The following SRCIN1 variants were observed in gnomAD, a reference collection of about 807,000 sequenced individuals.
The protein encoded by SRCIN1 is P130Cas-associated protein.
Under a neutral mutation model 116.2 loss-of-function variants are expected in SRCIN1, and 50 were observed. That is an observed-to-expected ratio of 0.43 (90% confidence interval 0.34 to 0.54). The LOEUF (loss-of-function observed/expected upper bound fraction) is 0.54, where lower values mean the gene tolerates loss of function less well. Among genes scored for constraint, SRCIN1 ranks in the 20% least tolerant of loss-of-function variants. SRCIN1 has a pLI of 0.02. For synonymous variants in SRCIN1, 736 were observed against 750.0 expected (o/e 0.98, Z 0.30); for missense variants, 1,446 against 1,672.0 (o/e 0.86, Z 2.36).
chr17:38,563,703 G>T lies in SRCIN1; in HGVS notation c.542-182C>A. On this transcript the variant is annotated intron_variant, in intron 4 of 18. Transcript: ENST00000617146. This position sits in a 1 kb window ranked among gnomAD's most constrained non-coding sequence, Gnocchi z 5.8. ...TGCTGCCGGCGGGGGCGCCAGGCCGGCTCTCCAGCCTCTCAAGGCACCCAC... is the reference window on the plus strand; with the variant it reads ...TGCTGCCGGCGGGGGCGCCAGGCCGTCTCTCCAGCCTCTCAAGGCACCCAC... 1.2e-6 allele frequency: 1 copy of T among 862,838 alleles called. No homozygotes were observed. Among genetic ancestry groups the T allele is most frequent in the Non-Finnish European group, 1.9e-6 (1 of 535,782 alleles). 53.4% of individuals were successfully genotyped at this position (862,838 alleles called of 1,614,324 possible). A position where few individuals can be genotyped will look rare whatever the true frequency, so the allele number is the denominator to read the frequency against.
Position 38,562,369 on chromosome 17 carries a change from C to T in SRCIN1, c.835-41G>A. 1 of 1,407,322 alleles carries T rather than the reference C, an allele frequency of 7.1e-7. No individual in the cohort carries two copies. The highest frequency in any genetic ancestry group is 3.3e-5 in the Admixed American group (1 of 30,040). 87.2% of individuals were successfully genotyped at this position (1,407,322 alleles called of 1,614,324 possible). On this transcript the variant is annotated intron_variant, in intron 6 of 18. Coordinates refer to ENST00000617146, the MANE Select transcript of SRCIN1 (RefSeq NM_025248.3). The surrounding 1 kb of genome is among the most constrained non-coding windows in gnomAD (Gnocchi z 4.2). Reference sequence around the variant, plus strand: ...CCCGGAACCCCACGGGGCTGGTCACCAAGGACACCCCTGTCCCTTGCTTGA... The same window carrying T: ...CCCGGAACCCCACGGGGCTGGTCACTAAGGACACCCCTGTCCCTTGCTTGA...
intron 1 of SRCIN1, among the ~76,000 whole-genome samples, chr17:38,583,413 T>C (rs1457326660): frequency 1.3e-5 from 2 of 152,250 alleles, no homozygotes; most frequent in South Asian, 2.1e-4. Flanking sequence ...TCAACAAATA[T>C]CTTCCCTCTC....
chr17:38,581,265 G>GAGTGAT (rs1229959516), intron 1 of SRCIN1, among the ~76,000 whole-genome samples: 2 of 152,106 alleles, frequency 1.3e-5, no homozygotes, highest in Non-Finnish European at 2.9e-5. Flanking sequence ...AATTAGCCGG[G>GAGTGAT]AGTGATAGTG....
Position 38,560,097 on chromosome 17 carries a change from G to T in SRCIN1, c.1794C>A (p.Ser598Arg), listed in dbSNP as rs367715600. 1.3e-6 allele frequency: 2 copies of T among 1,549,994 alleles called. No homozygotes were observed. Among genetic ancestry groups the T allele is most frequent in the African/African-American group, 1.4e-5 (1 of 73,056 alleles). ...LLRGSEPETP[S>R]EKIEGSNGAA... ...CTCCATTGGAGCCTTCAATCTTCTC[G>T]CTGTGGCACAGGGAAAAAAGCCATC... The change falls in exon 9 of 19, where the codon AGC (serine) becomes AGA (arginine). Residue 598 changes from serine (S) to arginine (R), a missense_variant and splice_region_variant. By Grantham distance (110) the Ser-to-Arg change is moderately radical. Around this residue, in one of 5 missense-constraint regions of SRCIN1, gnomAD observed 398 missense variants for 385.6 expected, o/e 1.03. Transcript: ENST00000617146.
intron 1 of SRCIN1, among the ~76,000 whole-genome samples, chr17:38,598,007 G>A (rs987713975): frequency 6.6e-6 from 1 of 152,078 alleles, no homozygotes; most frequent in African/African-American, 2.4e-5. Context: ...CCCACTTCCA[G>A]GAGAGAGGAA....
In SRCIN1 at chr17:38,535,560, C is replaced by T. The variant is rs986060676; in HGVS notation, c.3418-2129G>A. Reference sequence around the variant, plus strand: ...TGCTCATCCATTACTCAAGGGAGTTCTAGGGGGTCCAGGGCCCAGCCACAG... The same window carrying T: ...TGCTCATCCATTACTCAAGGGAGTTTTAGGGGGTCCAGGGCCCAGCCACAG... On this transcript the variant is annotated intron_variant, in intron 18 of 18. Coordinates refer to ENST00000617146, the MANE Select transcript of SRCIN1 (RefSeq NM_025248.3). Among the ~76,000 whole-genome samples the T allele has an allele frequency of 2.6e-5, 4 of 152,156 alleles. No homozygotes were observed. In the East Asian group the frequency reaches 7.7e-4, roughly 29 times the overall value.
rs2143197943 is a variant in SRCIN1, at chr17:38,562,957, C to T, written c.741-37G>A. 1.3e-6 allele frequency: 2 copies of T among 1,534,510 alleles called. No individual in the cohort carries two copies. Among genetic ancestry groups the T allele is most frequent in the African/African-American group, 2.7e-5 (2 of 73,360 alleles). On this transcript the variant is annotated intron_variant, in intron 5 of 18. Transcript: ENST00000617146. This position sits in a 1 kb window ranked among gnomAD's most constrained non-coding sequence, Gnocchi z 4.2. ...GGGGAGACGGGGGTCACCACCCATCCCCCAGCTGTGCACAATGAGAAGGGA... is the reference window on the plus strand; with the variant it reads ...GGGGAGACGGGGGTCACCACCCATCTCCCAGCTGTGCACAATGAGAAGGGA...
intron 18 of SRCIN1, among the ~76,000 whole-genome samples, chr17:38,538,716 G>A (rs562529110): frequency 7.2e-5 from 11 of 152,184 alleles, no homozygotes; most frequent in Admixed American, 3.3e-4. Flanking sequence ...TAGAATTCTC[G>A]TCACAAGCGC....
chr17:38,602,273 C>CAGAGCTTGGAATGG lies in SRCIN1; in HGVS notation c.22+3410_22+3411insCCATTCCAAGCTCT, dbSNP rs1456719094. On this transcript the variant is annotated intron_variant, in intron 1 of 18. Transcript: ENST00000617146. This position sits in a 1 kb window ranked among gnomAD's most constrained non-coding sequence, Gnocchi z 4.2. ...ATCCGAAGCCTTCATCTCCGCTACTCAGAGCTTGGAATGAAAGAAGGGGAA... is the reference window on the plus strand; with the variant it reads ...ATCCGAAGCCTTCATCTCCGCTACTCAGAGCTTGGAATGGAGAGCTTGGAATGAAAGAAGGGGAA... 6.6e-6 allele frequency: 1 copy of CAGAGCTTGGAATGG among 152,244 alleles called. No homozygotes were observed. The highest frequency in any genetic ancestry group is 1.5e-5 in the Non-Finnish European group (1 of 68,062). The allele number at this position is 152,244 out of a possible 1,614,324, so 9.4% of individuals were successfully genotyped here.
chr17:38,541,747 G>T (rs1259859185), intron 18 of SRCIN1: 6 of 152,484 alleles, frequency 3.9e-5, no homozygotes, highest in African/African-American at 1.4e-4. Flanking sequence ...GAGCTCAGGA[G>T]TTTGAGACCA....
At chr17:38,593,780 G>C (rs770328331) in intron 1 of SRCIN1, among the ~76,000 whole-genome samples, 1 of 152,118 alleles carries the variant, frequency 6.6e-6, no homozygotes, top group African/African-American at 2.4e-5. Flanking sequence ...GGGAGCACAG[G>C]TCTCTTCTAA....
chr17:38,591,723 G>A (rs1908454698), intron 1 of SRCIN1, among the ~76,000 whole-genome samples: 1 of 152,170 alleles, frequency 6.6e-6, no homozygotes, highest in Admixed American at 6.5e-5. Context: ...CCTGGAAGGG[G>A]TGAAGTTCCT....
At chr17:38,579,069 G>A (rs1023463201) in intron 1 of SRCIN1, among the ~76,000 whole-genome samples, 2 of 152,230 alleles carry the variant, frequency 1.3e-5, no homozygotes, top group East Asian at 3.9e-4. Context: ...AATGACCGCG[G>A]GGGTGCAGCC....
chr17:38,535,209 CTTTT>C (rs71138630), intron 18 of SRCIN1, among the ~76,000 whole-genome samples: 1 of 128,924 alleles, frequency 7.8e-6, no homozygotes. Flanking sequence ...CTTTTTCTTT[CTTTT>C]TTTTTTTTTT....
At chr17:38,547,593 T>G in intron 17 of SRCIN1, among the ~76,000 whole-genome samples, 2 of 150,196 alleles carry the variant, frequency 1.3e-5, no homozygotes, top group Admixed American at 6.6e-5. Flanking sequence ...GTCCTTGGAG[T>G]GGGGGAGGGG....
chr17:38,592,986 G>C (rs150269297), intron 1 of SRCIN1, among the ~76,000 whole-genome samples: 2 of 152,208 alleles, frequency 1.3e-5, no homozygotes, highest in East Asian at 1.9e-4. Flanking sequence ...CTCATGCATC[G>C]CTTCCCTCAT....
chr17:38,567,894 T>C (rs1468352425), intron 3 of SRCIN1, among the ~76,000 whole-genome samples: 1 of 152,086 alleles, frequency 6.6e-6, no homozygotes, highest in African/African-American at 2.4e-5. Context: ...GAGGCAGCAG[T>C]CTCTCCAGGC....
At chr17:38,588,410 T>C (rs1448997894) in intron 1 of SRCIN1, among the ~76,000 whole-genome samples, 1 of 152,236 alleles carries the variant, frequency 6.6e-6, no homozygotes, top group African/African-American at 2.4e-5. Flanking sequence ...AACTCCTGTG[T>C]GGCAGCTCCA....
rs1364451115 is a variant in SRCIN1, at chr17:38,558,559, T to TGGGATGGCGAAGGGCAGGGGC, written c.2026-178_2026-158dup. Among the ~76,000 whole-genome samples, 4 of 132,102 alleles carry TGGGATGGCGAAGGGCAGGGGC rather than the reference T, an allele frequency of 3.0e-5. No homozygotes were observed. The highest frequency in any genetic ancestry group is 1.1e-4 in the African/African-American group (4 of 34,798). 86.7% of individuals were successfully genotyped at this position (132,102 alleles called of 152,430 possible). A position where few individuals can be genotyped will look rare whatever the true frequency, so the allele number is the denominator to read the frequency against. ...TCCGCCTCAGGCAGCAGCGAAGGGGTGGGATGGCGAAGGGCAGGGGCGGGA... is the reference window on the plus strand; with the variant it reads ...TCCGCCTCAGGCAGCAGCGAAGGGGTGGGATGGCGAAGGGCAGGGGCGGGATGGCGAAGGGCAGGGGCGGGA... On this transcript the variant is annotated intron_variant, in intron 10 of 18. Transcript: ENST00000617146. The surrounding 1 kb of genome is among the most constrained non-coding windows in gnomAD (Gnocchi z 4.6).
Sources: allele counts gnomAD v4.1 joint callset (sites outside exome capture counted in the v4.1 genomes callset), GRCh38; gene constraint gnomAD v4.1.1; regional missense constraint gnomAD v4.1.1; non-coding constraint Gnocchi (gnomAD v3.1); transcripts MANE v1.5; gene names NCBI Gene and HGNC (gene_info 2026-07-23, HGNC 2026-07-21).